Variants in GPAT3 observed in about 807,000 individuals in gnomAD.
GPAT3 encodes the protein 1-AGP acyltransferase 9.
GPAT3 carries 53 observed loss-of-function variants against 58.8 expected under a neutral mutation model. The ratio of observed to expected loss-of-function variants is 0.90; its 90% CI spans 0.72 to 1.13. The LOEUF (loss-of-function observed/expected upper bound fraction) is 1.13, where lower values mean the gene tolerates loss of function less well. GPAT3 is among the 50% of genes most tolerant of loss of function. The pLI is 0.00. For missense variants in GPAT3, 511 were observed against 527.6 expected (o/e 0.97, Z 0.31); for synonymous variants, 197 against 187.4 (o/e 1.05, Z -0.42).
At chr4:83,588,326 C>T (rs202063016) in intron 5 of GPAT3, 27 bp downstream of exon 5, 1 of 1,593,778 alleles carries the variant, frequency 6.3e-7, no homozygotes, top group East Asian at 2.2e-5. Context: ...ATGTGCCTGT[C>T]TTTTTCTAGG....
chr4:83,587,636 CA>C (rs1726427890), intron 4 of GPAT3, among the ~76,000 whole-genome samples: 1 of 152,024 alleles, frequency 6.6e-6, no homozygotes, highest in Admixed American at 6.6e-5. Context: ...CCATGTAGGC[CA>C]GGGGGGTCTC....
chr4:83,599,791 A>C (rs1402449668), intron 11 of GPAT3, among the ~76,000 whole-genome samples: 1 of 152,190 alleles, frequency 6.6e-6, no homozygotes, highest in Non-Finnish European at 1.5e-5. Flanking sequence ...TCCCCTCTGG[A>C]TAATGGGGGA....
intron 11 of GPAT3, among the ~76,000 whole-genome samples, chr4:83,603,228 T>C (rs1727125915): frequency 6.6e-6 from 1 of 152,232 alleles, no homozygotes; most frequent in South Asian, 2.1e-4. Flanking sequence ...AGGAGCCAGA[T>C]AGTGACCTAT....
chr4:83,560,562 C>T (rs1725093633), intron 2 of GPAT3, among the ~76,000 whole-genome samples: 1 of 152,158 alleles, frequency 6.6e-6, no homozygotes, highest in Admixed American at 6.6e-5. Flanking sequence ...ACTTTGGCCC[C>T]TTTACCTTTA....
chr4:83,583,772 CTA>C (rs1180601600), intron 3 of GPAT3, among the ~76,000 whole-genome samples: 1 of 145,272 alleles, frequency 6.9e-6, no homozygotes, highest in East Asian at 2.1e-4. Context: ...GTCAGGAGTT[CTA>C]TGTCAGCCTG....
At chr4:83,565,866 G>T (rs1018913365) in intron 2 of GPAT3, among the ~76,000 whole-genome samples, 1 of 152,210 alleles carries the variant, frequency 6.6e-6, no homozygotes, top group Admixed American at 6.5e-5. Flanking sequence ...GCAAATGGGA[G>T]GGGTAGGAAG....
chr4:83,567,557 T>C (rs1328482815), intron 2 of GPAT3, among the ~76,000 whole-genome samples: 1 of 152,240 alleles, frequency 6.6e-6, no homozygotes, highest in African/African-American at 2.4e-5. Flanking sequence ...TTGATTCTTA[T>C]ACTTGTGATT....
intron 2 of GPAT3, among the ~76,000 whole-genome samples, chr4:83,574,624 A>C (rs1198358384): frequency 1.8e-5 from 1 of 55,560 alleles, no homozygotes; most frequent in Non-Finnish European, 3.5e-5. Context: ...AGTAAAATGA[A>C]TTTTTTTTTT....
chr4:83,555,004 A>G (rs143652066), intron 2 of GPAT3, among the ~76,000 whole-genome samples: 1 of 151,904 alleles, frequency 6.6e-6, no homozygotes, highest in Non-Finnish European at 1.5e-5. Context: ...GGGTTTTGCC[A>G]TGTTGGCCAG....
chr4:83,572,959 G>A (rs1220469718), intron 2 of GPAT3, among the ~76,000 whole-genome samples: 1 of 152,120 alleles, frequency 6.6e-6, no homozygotes, highest in African/African-American at 2.4e-5. Context: ...GTGGCAAAAC[G>A]TGGACTGGAA....
At chr4:83,601,789 T>C (rs1727063852) in intron 11 of GPAT3, among the ~76,000 whole-genome samples, 1 of 152,240 alleles carries the variant, frequency 6.6e-6, no homozygotes, top group Non-Finnish European at 1.5e-5. Flanking sequence ...AAATTTGTTA[T>C]GCTAATTAAC....
intron 7 of GPAT3, 59 bp from the exon 8 acceptor site, chr4:83,596,799 A>G: frequency 7.4e-7 from 1 of 1,358,924 alleles, no homozygotes; most frequent in South Asian, 1.2e-5. Context: ...GGAATATCAA[A>G]AAGGACATCC....
chr4:83,538,425 T>C (rs1245384726), intron 1 of GPAT3, among the ~76,000 whole-genome samples: 1 of 152,228 alleles, frequency 6.6e-6, no homozygotes, highest in African/African-American at 2.4e-5. Context: ...TGCTTCCTAA[T>C]GTGAGATCTT....
intron 2 of GPAT3, among the ~76,000 whole-genome samples, chr4:83,571,897 C>T (rs1242541965): frequency 1.3e-5 from 2 of 151,948 alleles, no homozygotes; most frequent in African/African-American, 4.8e-5. Context: ...GTCAGCCTCC[C>T]AAGTAGCTGT....
At chr4:83,581,919 T>C (rs532699207) in intron 3 of GPAT3, 87 bp downstream of exon 3, 1 of 1,502,574 alleles carries the variant, frequency 6.7e-7, no homozygotes, top group African/African-American at 1.4e-5. Flanking sequence ...AAGTGTTCTG[T>C]GGTGCTTATT....
rs1382826543 is a variant in GPAT3, at chr4:83,598,737, C to T, written c.1205+14C>T. 1.2e-5 allele frequency: 5 copies of T among 414,640 alleles called. No homozygotes were observed. The highest frequency in any genetic ancestry group is 5.8e-5 in the South Asian group (3 of 51,584). 25.7% of individuals were successfully genotyped at this position (414,640 alleles called of 1,614,324 possible). ...TGAACTTCCCTGGTAAGAGAACTTT[C>T]AGAAGTACTATCACTTTTTTTTTTT... On this transcript the variant is annotated intron_variant, in intron 11 of 11. Coordinates refer to ENST00000264409, the MANE Select transcript of GPAT3 (RefSeq NM_032717.5).
chr4:83,596,398 A>C (rs1207787141), intron 7 of GPAT3, among the ~76,000 whole-genome samples: 1 of 152,240 alleles, frequency 6.6e-6, no homozygotes, highest in African/African-American at 2.4e-5. Flanking sequence ...AGGCGGGTGG[A>C]TCGCTTGAGC....
chr4:83,551,527 C>G (rs1724749674), intron 2 of GPAT3, among the ~76,000 whole-genome samples: 1 of 152,038 alleles, frequency 6.6e-6, no homozygotes, highest in African/African-American at 2.4e-5. Flanking sequence ...GGCGCAGTGG[C>G]TCATGCCTGT....
At position 83,594,428 on chromosome 4, in the gene GPAT3, T is replaced by G. The variant is rs150288748; in HGVS notation, c.739-417T>G. On this transcript the variant is annotated intron_variant, in intron 6 of 11. Transcript: ENST00000264409. ...TTTTGTAGATGTTGCCAAATTTCTT[T>G]CCATTTGTGTTGTAATCTGCTCCCT... Among the ~76,000 whole-genome samples the G allele has an allele frequency of 5.3e-3, 805 of 152,322 alleles. 3 individuals are homozygous for G. The highest frequency in any genetic ancestry group is 0.018 in the African/African-American group (737 of 41,564).
Sources: allele counts gnomAD v4.1 joint callset (sites outside exome capture counted in the v4.1 genomes callset), GRCh38; gene constraint gnomAD v4.1.1; transcripts MANE v1.5; gene names NCBI Gene and HGNC (gene_info 2026-07-23, HGNC 2026-07-21).